Variants in RNF213 observed in about 807,000 individuals in gnomAD.
RNF213 encodes ring finger protein 213.
Under a neutral mutation model 514.4 loss-of-function variants are expected in RNF213, and 341 were observed. That is an observed-to-expected ratio of 0.66 (90% CI 0.61 to 0.73). RNF213 has a LOEUF of 0.73. RNF213 is among the 30% of genes least tolerant of loss of function. RNF213 has a pLI of 0.00. For synonymous variants in RNF213, 2,655 were observed against 2,658.2 expected, an observed-to-expected ratio of 1.00 and a Z score of 0.04; for missense variants, 5,767 against 6,615.6, an observed-to-expected ratio of 0.87 and a Z score of 4.45.
chr17:80,317,226 G>A lies in RNF213; in HGVS notation c.2850G>A (p.Glu950=). 6.2e-7 allele frequency: 1 copy of A among 1,612,946 alleles called. No individual in the cohort carries two copies. Among genetic ancestry groups the A allele is most frequent in the Non-Finnish European group, 8.5e-7 (1 of 1,179,872 alleles). ...RRLVEIQFPA[E]HGWKESLLGD... The stretch of plus-strand genomic sequence containing the variant: ...TGGTGGAAATCCAATTCCCCGCGGA[G>A]CATGGCTGGAAGGAGTCGTTGCTGG... Residue 950 remains glutamate, a synonymous_variant, in exon 16 of 68, where the codon GAG becomes GAA. Coordinates refer to ENST00000582970, the MANE Select transcript of RNF213 (RefSeq NM_001256071.3). This position sits in a 1 kb window ranked among gnomAD's most constrained non-coding sequence, Gnocchi z 4.1.
rs544081244 is a variant in RNF213 at position 80,329,019 on chromosome 17, C to T, written c.3517+542C>T. ...TCATTGTATTAATTTCTAATTCCATCGCAATCTCTGCCGAGTGTCTGAATT... is the reference window on the plus strand; with the variant it reads ...TCATTGTATTAATTTCTAATTCCATTGCAATCTCTGCCGAGTGTCTGAATT... On this transcript the variant is annotated intron_variant, in intron 20 of 67. Transcript: ENST00000582970. Among the ~76,000 whole-genome samples the T allele has an allele frequency of 2.5e-4, 38 of 152,354 alleles. 1 individual carries two copies. The South Asian group carries it at 2.9e-3, about 12-fold the overall frequency.
chr17:80,313,827 G>C (rs2045689617), intron 15 of RNF213, among the ~76,000 whole-genome samples: 1 of 71,538 alleles, frequency 1.4e-5, no homozygotes, highest in Non-Finnish European at 3.0e-5. Flanking sequence ...GATGGTGGTG[G>C]TGGAGGTGAT....
At chr17:80,283,294 G>T (rs1191374154) in intron 3 of RNF213, among the ~76,000 whole-genome samples, 1 of 152,148 alleles carries the variant, frequency 6.6e-6, no homozygotes, top group Non-Finnish European at 1.5e-5. Flanking sequence ...GAAGAGCTGA[G>T]GGGGTGAGCC....
At position 80,347,160 on chromosome 17, in the gene RNF213, T is replaced by C. The variant is rs980084906; in HGVS notation, c.8825T>C (p.Val2942Ala). 1.9e-6 allele frequency: 3 copies of C among 1,613,860 alleles called. No individual in the cohort carries two copies. Among genetic ancestry groups the C allele is most frequent in the East Asian group, 4.5e-5 (2 of 44,866 alleles). Reference sequence around the variant, plus strand: ...TCCTTTGCCAAAGCCTACGAAACGGTGTGTAAGCGCCAGGACAAGGAATTC... The same window carrying C: ...TCCTTTGCCAAAGCCTACGAAACGGCGTGTAAGCGCCAGGACAAGGAATTC... ...FASFAKAYETVCKRQDKEFFG... is the reference protein window; with the variant it reads ...FASFAKAYETACKRQDKEFFG... The change falls in exon 29 of 68, where the codon GTG (valine) becomes GCG (alanine). Residue 2942 changes from valine (V) to alanine (A), a missense_variant. Val to Ala is a moderately conservative substitution (Grantham distance 64). Around this residue, in one of 13 missense-constraint regions of RNF213, gnomAD observed 919 missense variants for 1,121.0 expected, o/e 0.82. Transcript: ENST00000582970. This position sits in a 1 kb window ranked among gnomAD's most constrained non-coding sequence, Gnocchi z 7.2.
chr17:80,323,300 GTT>G (rs1472248743), intron 17 of RNF213, among the ~76,000 whole-genome samples: 1 of 152,170 alleles, frequency 6.6e-6, no homozygotes, highest in African/African-American at 2.4e-5. Context: ...TTTCTAGTAA[GTT>G]TTGAAATTGG....
intron 46 of RNF213, 149 bp from the exon 47 acceptor site, chr17:80,371,725 C>T: frequency 1.7e-6 from 1 of 597,340 alleles, no homozygotes; most frequent in Non-Finnish European, 3.0e-6. Context: ...AAAAGGTTTT[C>T]CATAAAATCT....
rs1458656491 is a variant in RNF213, at chr17:80,364,434, G to T, written c.11752G>T (p.Ala3918Ser). 1 of 1,614,140 alleles carries T rather than the reference G, an allele frequency of 6.2e-7. No individual in the cohort carries two copies. Among genetic ancestry groups the T allele is most frequent in the African/African-American group, 1.3e-5 (1 of 75,022 alleles). ...LAQAVIREVR[A>S]QWSRIFSTAL... ...GTGAGTGGCGCCCTCTTTTGACAGA[G>T]CCCAGTGGAGTCGGATTTTCTCCAC... Residue 3918 changes from alanine to serine, a missense_variant and splice_region_variant, in exon 42 of 68, where the codon GCC becomes TCC. Physicochemically the swap from Ala to Ser is moderately conservative, Grantham distance 99. This residue lies in a region of RNF213 where 355 missense variants were observed against 358.0 expected (regional missense o/e 0.99). Transcript: ENST00000582970.
intron 2 of RNF213, among the ~76,000 whole-genome samples, chr17:80,270,342 C>G (rs1298620527): frequency 1.3e-5 from 2 of 152,252 alleles, no homozygotes; most frequent in African/African-American, 4.8e-5. Flanking sequence ...ACCTTGCCCT[C>G]TGAGCCAGGC....
At chr17:80,312,937 A>AG in intron 14 of RNF213, 75 bp from the exon 15 acceptor site, 1 of 1,551,612 alleles carries the variant, frequency 6.4e-7, no homozygotes, top group Non-Finnish European at 8.9e-7. Context: ...GGAGGAGAGG[A>AG]GGGGGTGCAG....
At chr17:80,324,019 C>G (rs1362563515) in intron 17 of RNF213, among the ~76,000 whole-genome samples, 1 of 152,080 alleles carries the variant, frequency 6.6e-6, no homozygotes, top group Non-Finnish European at 1.5e-5. Context: ...ATTAAATTTT[C>G]TATACATAAG....
Position 80,349,805 on chromosome 17 carries a change from C to G in RNF213, c.9987C>G (p.Asp3329Glu). 1 of 1,614,162 alleles carries G rather than the reference C, an allele frequency of 6.2e-7. No individual in the cohort carries two copies. The highest frequency in any genetic ancestry group is 1.1e-5 in the South Asian group (1 of 91,084). Residue 3329 changes from aspartate (D) to glutamate (E), a missense_variant, in exon 30 of 68, where the codon GAC (aspartate) becomes GAG (glutamate). By Grantham distance (45) the Asp-to-Glu change is conservative (BLOSUM62 2). This residue lies in a region of RNF213 where 919 missense variants were observed against 1,121.0 expected (regional missense o/e 0.82). Coordinates refer to ENST00000582970, the MANE Select transcript of RNF213 (RefSeq NM_001256071.3). Reference sequence around the variant, plus strand: ...TCTCCAGGCTGCTAACAAGTCACGACTGTGAAATTTTAGAATCAGAGGTCA... The same window carrying G: ...TCTCCAGGCTGCTAACAAGTCACGAGTGTGAAATTTTAGAATCAGAGGTCA... ...TTFSRLLTSH[D>E]CEILESEVTG...
intron 3 of RNF213, among the ~76,000 whole-genome samples, chr17:80,283,990 G>A (rs1348999016): frequency 2.0e-5 from 3 of 152,190 alleles, no homozygotes; most frequent in Admixed American, 6.5e-5. Flanking sequence ...TTGGGAGGCC[G>A]AGGTGGGTGG....
chr17:80,392,408 G>A (rs2080511456), intron 67 of RNF213, among the ~76,000 whole-genome samples: 1 of 152,190 alleles, frequency 6.6e-6, no homozygotes. Flanking sequence ...ATGCAACCCT[G>A]TAAATAAACA....
rs915946257 is a variant in RNF213, at chr17:80,338,531, G to A, written c.4833+534G>A. Among the ~76,000 whole-genome samples, 9 of 151,828 alleles carry A rather than the reference G, an allele frequency of 5.9e-5. No homozygotes were observed. In the East Asian group the frequency reaches 1.7e-3, roughly 29 times the overall value. ...GGGTGCAGTGGCTCACACCTGTAAA[G>A]CCAGCACTTTGGGAGCCCAAGGTGG... On this transcript the variant is annotated intron_variant, in intron 25 of 67. Coordinates refer to ENST00000582970, the MANE Select transcript of RNF213 (RefSeq NM_001256071.3).
intron 22 of RNF213, among the ~76,000 whole-genome samples, chr17:80,334,925 CTT>C (rs79024264): frequency 4.1e-5 from 5 of 123,456 alleles, no homozygotes; most frequent in Admixed American, 8.4e-5. Context: ...TGCACCTGGC[CTT>C]TTTTTTTTTT....
chr17:80,362,638 C>T (rs1292099417), intron 39 of RNF213, among the ~76,000 whole-genome samples: 1 of 152,232 alleles, frequency 6.6e-6, no homozygotes, highest in African/African-American at 2.4e-5. Flanking sequence ...TGCAGGGCTG[C>T]GTGGCAGAAC....
chr17:80,343,531 A>G lies in RNF213; in HGVS notation c.6183+206A>G, dbSNP rs1346883754. On this transcript the variant is annotated intron_variant, in intron 27 of 67. Coordinates refer to ENST00000582970, the MANE Select transcript of RNF213 (RefSeq NM_001256071.3). This position sits in a 1 kb window ranked among gnomAD's most constrained non-coding sequence, Gnocchi z 4.3. ...TCATGGTGTGCGCTTACACTAACCTAGACGTAGAGCCCACTGCACACACAG... is the reference window on the plus strand; with the variant it reads ...TCATGGTGTGCGCTTACACTAACCTGGACGTAGAGCCCACTGCACACACAG... Among the ~76,000 whole-genome samples the G allele has an allele frequency of 1.3e-5, 2 of 152,146 alleles. No homozygotes were observed. The highest frequency in any genetic ancestry group is 2.9e-5 in the Non-Finnish European group (2 of 68,038).
intron 65 of RNF213, 82 bp downstream of exon 65, chr17:80,389,449 G>A (rs1265928714): frequency 5.5e-6 from 7 of 1,280,366 alleles, no homozygotes; most frequent in Non-Finnish European, 7.9e-6. Flanking sequence ...AGCATTCAGG[G>A]AGTGCCACTC....
intron 65 of RNF213, 140 bp from the exon 66 acceptor site, chr17:80,389,688 A>G: frequency 2.5e-6 from 2 of 785,020 alleles, no homozygotes; most frequent in Non-Finnish European, 2.2e-6. Context: ...GATGGCCTTC[A>G]CAAGGAGGGA....
Sources: gnomAD v4.1 joint callset for allele counts (sites outside exome capture counted in the v4.1 genomes callset) on GRCh38, gnomAD v4.1.1 for gene constraint, gnomAD v4.1.1 regional missense constraint, Gnocchi (gnomAD v3.1) non-coding constraint, MANE v1.5 for transcripts, NCBI Gene and HGNC (gene_info 2026-07-23, HGNC 2026-07-21) for gene names.